SRBD1: variants seen among roughly 807,000 people sequenced by gnomAD.
SRBD1 encodes the protein S1 RNA-binding domain-containing protein 1.
Under a neutral mutation model 115.3 loss-of-function variants are expected in SRBD1, and 88 were observed. That is an observed-to-expected ratio of 0.76 (90% CI 0.64 to 0.91). The LOEUF (loss-of-function observed/expected upper bound fraction) is 0.91, where lower values mean the gene tolerates loss of function less well. Among genes scored for constraint, SRBD1 ranks in the 40% least tolerant of loss-of-function variants. SRBD1 has a pLI of 0.00. For synonymous variants in SRBD1, 509 were observed against 407.7 expected, an observed-to-expected ratio of 1.25 and a Z score of -2.99; for missense variants, 1,385 against 1,177.4, an observed-to-expected ratio of 1.18 and a Z score of -2.58.
intron 16 of SRBD1, among the ~76,000 whole-genome samples, chr2:45,430,975 G>T (rs1668315205): frequency 6.6e-6 from 1 of 152,132 alleles, no homozygotes; most frequent in South Asian, 2.1e-4. Flanking sequence ...CAAAAAGTGG[G>T]TGAAGGATAT....
intron 19 of SRBD1, among the ~76,000 whole-genome samples, chr2:45,400,265 G>A (rs1667257317): frequency 6.6e-6 from 1 of 152,094 alleles, no homozygotes; most frequent in African/African-American, 2.4e-5. Context: ...GGCAGGAAGG[G>A]CAGGAGGGAG....
intron 7 of SRBD1, among the ~76,000 whole-genome samples, chr2:45,579,066 C>T (rs1673266073): frequency 1.3e-5 from 2 of 152,046 alleles, no homozygotes; most frequent in African/African-American, 4.8e-5. Context: ...CCACTCAATC[C>T]TAACAGCGAA....
chr2:45,431,965 C>T (rs1294513722), intron 16 of SRBD1, among the ~76,000 whole-genome samples: 2 of 151,898 alleles, frequency 1.3e-5, no homozygotes, highest in African/African-American at 4.8e-5. Context: ...TACATTCTTC[C>T]CCAATTTTTT....
chr2:45,536,067 C>T (rs1671754398), intron 14 of SRBD1, among the ~76,000 whole-genome samples: 1 of 151,950 alleles, frequency 6.6e-6, no homozygotes, highest in African/African-American at 2.4e-5. Context: ...AATTAATTTA[C>T]TTTTAGTTCC....
chr2:45,437,732 A>T (rs900755054), intron 16 of SRBD1, among the ~76,000 whole-genome samples: 4 of 152,216 alleles, frequency 2.6e-5, no homozygotes, highest in Non-Finnish European at 5.9e-5. Context: ...TGTCTCAAAA[A>T]CAAAGACAAA....
rs1667844589 is a variant in SRBD1 at position 45,416,770 on chromosome 2, GT to G, written c.2333+1594del. 8.6e-5 allele frequency among the ~76,000 whole-genome samples: 13 copies of G among 151,968 alleles called. 1 individual carries two copies. The highest frequency in any genetic ancestry group is 8.5e-4 in the Admixed American group (13 of 15,252). Reference sequence around the variant, plus strand: ...TTTTTTATACTGTGAGTTTTTTGGTGTTTTTTTGGTTTGCTTGTTTTTGAGA... The same window carrying G: ...TTTTTTATACTGTGAGTTTTTTGGTGTTTTTTGGTTTGCTTGTTTTTGAGA... On this transcript the variant is annotated intron_variant, in intron 18 of 20. Coordinates refer to ENST00000263736, the MANE Select transcript of SRBD1 (RefSeq NM_018079.5).
chr2:45,446,868 T>C (rs1255484682), intron 16 of SRBD1, among the ~76,000 whole-genome samples: 2 of 152,132 alleles, frequency 1.3e-5, no homozygotes, highest in Non-Finnish European at 1.5e-5. Flanking sequence ...GAAAAAATAT[T>C]TGCAACCTAA....
At chr2:45,472,890 A>G (rs913357872) in intron 16 of SRBD1, among the ~76,000 whole-genome samples, 1 of 151,698 alleles carries the variant, frequency 6.6e-6, no homozygotes, top group Non-Finnish European at 1.5e-5. Flanking sequence ...TCTAAGGTCA[A>G]CATTGCTATG....
At chr2:45,531,178 G>C (rs557518136) in intron 14 of SRBD1, among the ~76,000 whole-genome samples, 1 of 151,834 alleles carries the variant, frequency 6.6e-6, no homozygotes, top group East Asian at 1.9e-4. Flanking sequence ...TGTGTCAGTT[G>C]TTGTGTTGGT....
At chr2:45,609,359 T>C (rs1469858377) in intron 1 of SRBD1, among the ~76,000 whole-genome samples, 1 of 152,204 alleles carries the variant, frequency 6.6e-6, no homozygotes, top group Non-Finnish European at 1.5e-5. Flanking sequence ...ATCTCCACGA[T>C]CTTCAGTGAG....
chr2:45,427,738 C>T lies in SRBD1; in HGVS notation c.2050-7844G>A, dbSNP rs568933397. 9.2e-5 allele frequency among the ~76,000 whole-genome samples: 14 copies of T among 152,238 alleles called. No individual in the cohort carries two copies. In the South Asian group the frequency reaches 2.7e-3, roughly 29 times the overall value. ...GAATAAAATACTGGCAAACCGATTC[C>T]AGCAGTACATCAAAAAGATTATCCA... is the stretch of plus-strand genomic sequence containing the variant. On this transcript the variant is annotated intron_variant, in intron 16 of 20. Coordinates refer to ENST00000263736, the MANE Select transcript of SRBD1 (RefSeq NM_018079.5).
At chr2:45,603,719 G>A (rs1287337559) in intron 2 of SRBD1, among the ~76,000 whole-genome samples, 3 of 151,938 alleles carry the variant, frequency 2.0e-5, no homozygotes, top group East Asian at 1.9e-4. Context: ...TAGTAGAGCC[G>A]GGTTTCACTA....
chr2:45,513,652 G>C (rs1359454131), intron 14 of SRBD1, among the ~76,000 whole-genome samples: 1 of 152,126 alleles, frequency 6.6e-6, no homozygotes, highest in African/African-American at 2.4e-5. Flanking sequence ...TCAAGAAAAT[G>C]AGGAGTTAGA....
chr2:45,402,054 G>C (rs1411330967), intron 19 of SRBD1, among the ~76,000 whole-genome samples: 1 of 152,112 alleles, frequency 6.6e-6, no homozygotes, highest in African/African-American at 2.4e-5. Flanking sequence ...AGGGTCTTCA[G>C]TAGAGGCCAT....
rs534741793 is a variant in SRBD1, at chr2:45,430,077, C to A, written c.2050-10183G>T. Among the ~76,000 whole-genome samples the A allele has an allele frequency of 1.1e-3, 164 of 152,188 alleles. 1 individual carries two copies. Among genetic ancestry groups the A allele is most frequent in the Middle Eastern group, 3.4e-3 (1 of 294 alleles). On this transcript the variant is annotated intron_variant, in intron 16 of 20. Transcript: ENST00000263736. The stretch of plus-strand genomic sequence containing the variant: ...TTAAAATACCTAGAAATACAACTTA[C>A]AAGGGATGTGAAGGACCTCTTCAAG...
intron 16 of SRBD1, among the ~76,000 whole-genome samples, chr2:45,450,401 G>C (rs1668958339): frequency 6.6e-6 from 1 of 152,056 alleles, no homozygotes; most frequent in African/African-American, 2.4e-5. Flanking sequence ...TATTTGTATA[G>C]TACCAAATGC....
At chr2:45,550,968 G>C (rs1167510704) in intron 12 of SRBD1, among the ~76,000 whole-genome samples, 157 bp downstream of exon 12, 1 of 152,180 alleles carries the variant, frequency 6.6e-6, no homozygotes, top group Non-Finnish European at 1.5e-5. Context: ...AGAGAAAAAT[G>C]AAGTTTGATT....
intron 9 of SRBD1, among the ~76,000 whole-genome samples, chr2:45,572,447 T>G (rs1285137012): frequency 6.6e-6 from 1 of 152,094 alleles, no homozygotes; most frequent in Admixed American, 6.6e-5. Flanking sequence ...GTTATGTTCA[T>G]CTTACCACAA....
At chr2:45,549,839 G>C (rs1488576841) in intron 12 of SRBD1, among the ~76,000 whole-genome samples, 1 of 151,698 alleles carries the variant, frequency 6.6e-6, no homozygotes, top group Non-Finnish European at 1.5e-5. Context: ...CTCCAGCCTG[G>C]GTAAAAGAGC....
Sources: gnomAD v4.1 joint callset for allele counts (sites outside exome capture counted in the v4.1 genomes callset) on GRCh38, gnomAD v4.1.1 for gene constraint, MANE v1.5 for transcripts, NCBI Gene and HGNC (gene_info 2026-07-23, HGNC 2026-07-21) for gene names.